The following ZBTB4 variants were observed in gnomAD, a reference collection of about 807,000 sequenced individuals.
The protein encoded by ZBTB4 is zinc finger and BTB domain containing 4, also known as zinc finger and BTB domain-containing protein 4.
In ZBTB4, 14 loss-of-function variants were observed where a neutral mutation model predicts 59.8. The observed-to-expected ratio is 0.23, with a 90% CI of 0.15 to 0.37. The LOEUF is 0.37. ZBTB4 is among the 10% of genes least tolerant of loss of function. The pLI is 1.00. For synonymous variants in ZBTB4, 587 were observed against 575.2 expected (o/e 1.02, Z -0.29); for missense variants, 1,198 against 1,380.8 (o/e 0.87, Z 2.10).
rs147491719 is a variant in ZBTB4 at position 7,468,327 on chromosome 17, C to G, written c.-80-1000G>C. Among the ~76,000 whole-genome samples, 14 of 152,192 alleles carry G rather than the reference C, an allele frequency of 9.2e-5. No homozygotes were observed. In the East Asian group the frequency reaches 2.7e-3, roughly 29 times the overall value. ...GCTGGAGGTTGCAGTGAGACGAGGT[C>G]ACGCCACTGCACTCCAGCCTGGGCA... On this transcript the variant is annotated intron_variant, in intron 1 of 3. Transcript: ENST00000380599.
Position 7,462,565 on chromosome 17 carries a change from C to T in ZBTB4, c.2417G>A (p.Ser806Asn). ...GACATCCCCGGGCCTGGTGCCAGCG[C>T]TGCCCTTGGAATAGGCAATGACAGG... ...PTPVIAYSKG[S>N]AGTRPGDVKE... The change falls in exon 4 of 4, where the codon AGC becomes AAC. Residue 806 changes from serine to asparagine, a missense_variant. By Grantham distance (46) the Ser-to-Asn change is conservative. This residue lies in a region of ZBTB4 where 550 missense variants were observed against 541.8 expected (regional missense o/e 1.02). Coordinates refer to ENST00000380599, the MANE Select transcript of ZBTB4 (RefSeq NM_001128833.2). This position sits in a 1 kb window ranked among gnomAD's most constrained non-coding sequence, Gnocchi z 7.5. 2 of 1,613,624 alleles carry T rather than the reference C, an allele frequency of 1.2e-6. No individual in the cohort carries two copies. Among genetic ancestry groups the T allele is most frequent in the South Asian group, 2.2e-5 (2 of 91,066 alleles).
At position 7,461,622 on chromosome 17, in the gene ZBTB4, G is replaced by T. The variant is rs985425126; in HGVS notation, c.*318C>A. 1 of 254,752 alleles carries T rather than the reference G, an allele frequency of 3.9e-6. No homozygotes were observed. Among genetic ancestry groups the T allele is most frequent in the Admixed American group, 5.0e-5 (1 of 19,824 alleles). The allele number at this position is 254,752 out of a possible 1,614,324, so 15.8% of individuals were successfully genotyped here. On this transcript the variant is annotated 3_prime_UTR_variant, in exon 4 of 4. Coordinates refer to ENST00000380599, the MANE Select transcript of ZBTB4 (RefSeq NM_001128833.2). ...CAGGTTAGACATTCAGAGCTGGTGG[G>T]GGCTGTGAGTAGAGATTCAGGTTAA...
chr17:7,466,143 G>A lies in ZBTB4; in HGVS notation c.659C>T (p.Ala220Val). The change falls in exon 3 of 4, where the codon GCC (alanine) becomes GTC (valine). Residue 220 changes from alanine (A) to valine (V), a missense_variant. Around this residue, in one of 9 missense-constraint regions of ZBTB4, gnomAD observed 204 missense variants for 205.5 expected, o/e 0.99. Coordinates refer to ENST00000380599, the MANE Select transcript of ZBTB4 (RefSeq NM_001128833.2). This position sits in a 1 kb window ranked among gnomAD's most constrained non-coding sequence, Gnocchi z 9.1. ...GGAGCACTGCAAGTCAGGGGCCTGG[G>A]CCTCAGCCCTGTCACCCTCCCACTC... ...AGEWEGDRAE[A>V]QAPDLQCSLP... 2 of 1,612,336 alleles carry A rather than the reference G, an allele frequency of 1.2e-6. No individual in the cohort carries two copies. The highest frequency in any genetic ancestry group is 1.7e-6 in the Non-Finnish European group (2 of 1,179,538).
intron 3 of ZBTB4, among the ~76,000 whole-genome samples, chr17:7,465,196 C>A (rs1359030047): frequency 7.4e-6 from 1 of 135,120 alleles, no homozygotes; most frequent in Non-Finnish European, 1.6e-5. Context: ...TGGTGGCTCA[C>A]GCCTGTAATC....
intron 1 of ZBTB4, among the ~76,000 whole-genome samples, chr17:7,473,234 T>G (rs1488012179): frequency 1.3e-5 from 2 of 149,728 alleles, no homozygotes; most frequent in African/African-American, 4.9e-5. Context: ...TGCCTCAGCC[T>G]CCGGAGTAGC....
chr17:7,465,638 C>T (rs2070108756), intron 3 of ZBTB4, 73 bp downstream of exon 3: 2 of 1,501,774 alleles, frequency 1.3e-6, no homozygotes, highest in Admixed American at 2.2e-5. Flanking sequence ...AAGCCCCACC[C>T]ACTGCCGCCC....
At position 7,463,334 on chromosome 17, in the gene ZBTB4, T is replaced by A; in HGVS notation, c.1648A>T (p.Met550Leu). The A allele has an allele frequency of 6.2e-7, 1 of 1,607,758 alleles. No individual in the cohort carries two copies. Among genetic ancestry groups the A allele is most frequent in the Non-Finnish European group, 8.5e-7 (1 of 1,177,384 alleles). ...VSPATAAGPA[M>L]ATTTEEAKGR... is the part of the protein sequence containing the mutation. ...TTGGCCTCCTCCGTGGTGGTGGCCA[T>A]GGCTGGCCCTGCAGCGGTGGCTGGG... Residue 550 changes from methionine (M) to leucine (L), a missense_variant, in exon 4 of 4, where the codon ATG (methionine) becomes TTG (leucine). Met to Leu is a conservative substitution (Grantham distance 15). Transcript: ENST00000380599.
upstream of ZBTB4, chr17:7,484,232 G>T (rs1426245229): frequency 1.9e-5 from 3 of 158,668 alleles, no homozygotes; most frequent in African/African-American, 7.2e-5. Context: ...AGCGAGCGGG[G>T]GGTTTACCCA....
chr17:7,472,383 G>A (rs1459822730), intron 1 of ZBTB4, among the ~76,000 whole-genome samples: 2 of 152,042 alleles, frequency 1.3e-5, no homozygotes, highest in African/African-American at 4.8e-5. Flanking sequence ...TAGAGACGAG[G>A]TTTCACCATC....
upstream of ZBTB4, among the ~76,000 whole-genome samples, chr17:7,480,716 T>A (rs1402462047): frequency 6.6e-6 from 1 of 150,668 alleles, no homozygotes; most frequent in Admixed American, 6.6e-5. Flanking sequence ...ACAGACTCCG[T>A]CTCAAAAAAA....
chr17:7,465,410 G>A (rs1251602094), intron 3 of ZBTB4, among the ~76,000 whole-genome samples: 2 of 150,322 alleles, frequency 1.3e-5, no homozygotes, highest in Non-Finnish European at 2.9e-5. Context: ...GTGGCAGTGA[G>A]CCGAGAAGGC....
chr17:7,474,227 T>TTTTTTTTTTGACA, intron 1 of ZBTB4, among the ~76,000 whole-genome samples: 1 of 148,554 alleles, frequency 6.7e-6, no homozygotes. Context: ...AGACTTTTTT[T>TTTTTTTTTTGACA]TTTTTTGACA....
chr17:7,483,116 C>T (rs1033842394), upstream of ZBTB4: 5 of 1,510,116 alleles, frequency 3.3e-6, no homozygotes, highest in African/African-American at 1.4e-5. Context: ...AGAGGGATAC[C>T]TCTCAGAGTC....
Position 7,463,029 on chromosome 17 carries a change from A to ATCCTCCTCCTCCTCCTCTTCG in ZBTB4, c.1932_1952dup (p.Glu648_Glu654dup), listed in dbSNP as rs2070052586. Reference sequence around the variant, plus strand: ...CCCCACCAGCCTTTGATTCCTCCTCATCCTCCTCCTCCTCCTCTTCGTCCT... The same window carrying ATCCTCCTCCTCCTCCTCTTCG: ...CCCCACCAGCCTTTGATTCCTCCTCATCCTCCTCCTCCTCCTCTTCGTCCTCCTCCTCCTCCTCTTCGTCCT... On this transcript the variant is annotated inframe_insertion, in exon 4 of 4. Transcript: ENST00000380599. 2.5e-6 allele frequency: 4 copies of ATCCTCCTCCTCCTCCTCTTCG among 1,608,618 alleles called. No individual in the cohort carries two copies. The highest frequency in any genetic ancestry group is 3.4e-6 in the Non-Finnish European group (4 of 1,178,852).
chr17:7,477,618 C>A (rs984283801), intron 1 of ZBTB4, among the ~76,000 whole-genome samples: 3 of 152,186 alleles, frequency 2.0e-5, no homozygotes, highest in Admixed American at 6.5e-5. Flanking sequence ...GTGAGGAAAA[C>A]CTGTTCTGAG....
chr17:7,481,290 A>G, upstream of ZBTB4: 2 of 524,792 alleles, frequency 3.8e-6, no homozygotes, highest in Non-Finnish European at 5.7e-6. Flanking sequence ...AGATCACACC[A>G]TTGCACTCCA....
chr17:7,472,308 T>A (rs7208750), intron 1 of ZBTB4, among the ~76,000 whole-genome samples: 146,005 of 152,012 alleles, frequency 0.96, 70,392 homozygotes, highest in Middle Eastern at 1. Context: ...CTCCTGCCTC[T>A]GCCTCCCGAG....
chr17:7,477,350 G>A (rs910440197), intron 1 of ZBTB4, among the ~76,000 whole-genome samples: 6 of 152,316 alleles, frequency 3.9e-5, no homozygotes, highest in African/African-American at 1.4e-4. Context: ...GCCAGTGAGG[G>A]AATGGTAAAG....
chr17:7,462,248 C>A lies in ZBTB4; in HGVS notation c.2734G>T (p.Ala912Ser). 1 of 1,613,650 alleles carries A rather than the reference C, an allele frequency of 6.2e-7. No individual in the cohort carries two copies. ...GEGDRMEGIGAAKVTFYPEPY... is the reference protein window; with the variant it reads ...GEGDRMEGIGSAKVTFYPEPY... Reference sequence around the variant, plus strand: ...TCAGGGTAGAAAGTGACTTTGGCAGCCCCTATCCCCTCCATCCGGTCCCCC... The same window carrying A: ...TCAGGGTAGAAAGTGACTTTGGCAGACCCTATCCCCTCCATCCGGTCCCCC... Residue 912 changes from alanine (A) to serine (S), a missense_variant, in exon 4 of 4, where the codon GCT (alanine) becomes TCT (serine). This residue lies in a region of ZBTB4 where 211 missense variants were observed against 236.1 expected (regional missense o/e 0.89). Coordinates refer to ENST00000380599, the MANE Select transcript of ZBTB4 (RefSeq NM_001128833.2). The surrounding 1 kb of genome is among the most constrained non-coding windows in gnomAD (Gnocchi z 7.5).
Sources: gnomAD v4.1 joint callset for allele counts (sites outside exome capture counted in the v4.1 genomes callset) on GRCh38, gnomAD v4.1.1 for gene constraint, gnomAD v4.1.1 regional missense constraint, Gnocchi (gnomAD v3.1) non-coding constraint, MANE v1.5 for transcripts, NCBI Gene and HGNC (gene_info 2026-07-23, HGNC 2026-07-21) for gene names.